The following PPP2R2B variants were observed in gnomAD, a reference collection of about 807,000 sequenced individuals.
PPP2R2B encodes serine/threonine-protein phosphatase 2A 55 kDa regulatory subunit B beta isoform.
PPP2R2B carries 5 observed loss-of-function variants against 46.0 expected under a neutral mutation model. The observed-to-expected ratio is 0.11, with a 90% CI of 0.06 to 0.23. PPP2R2B has a LOEUF of 0.23. PPP2R2B is among the 10% of genes least tolerant of loss of function. The pLI is 1.00. For missense variants in PPP2R2B, 367 were observed against 575.0 expected, an observed-to-expected ratio of 0.64 and a Z score of 3.70; for synonymous variants, 215 against 206.7, an observed-to-expected ratio of 1.04 and a Z score of -0.34.
chr5:147,050,835 T>C (rs977822267), intron 1 of PPP2R2B, among the ~76,000 whole-genome samples: 3 of 152,130 alleles, frequency 2.0e-5, no homozygotes, highest in African/African-American at 7.2e-5. Context: ...CCTCTGTGTG[T>C]GTGTGTGTAG....
chr5:146,879,412 A>G (rs1488551010), upstream of PPP2R2B, among the ~76,000 whole-genome samples: 1 of 152,196 alleles, frequency 6.6e-6, no homozygotes, highest in South Asian at 2.1e-4. Flanking sequence ...AGTCTGAAAA[A>G]GTCCACTCTC....
intron 5 of PPP2R2B, among the ~76,000 whole-genome samples, chr5:146,675,144 T>C (rs1581846169): frequency 6.6e-6 from 1 of 152,162 alleles, no homozygotes; most frequent in Non-Finnish European, 1.5e-5. Context: ...GTATTTTTAG[T>C]AGAGACGGGA....
intron 2 of PPP2R2B, among the ~76,000 whole-genome samples, chr5:146,799,977 T>C (rs77943633): frequency 6.6e-6 from 1 of 152,178 alleles, no homozygotes; most frequent in African/African-American, 2.4e-5. Flanking sequence ...AAACAGATTA[T>C]GGGAATTGCT....
At chr5:146,645,522 CA>C (rs1775524357) in intron 6 of PPP2R2B, among the ~76,000 whole-genome samples, 1 of 152,120 alleles carries the variant, frequency 6.6e-6, no homozygotes, top group African/African-American at 2.4e-5. Context: ...TACTAGACCC[CA>C]CAGTTCCCCT....
rs557565534 is a variant in PPP2R2B at position 146,749,325 on chromosome 5, T to G, written c.71-48183A>C. ...TCCGACATGTGGTTTTCAAATATTT[T>G]CTTCCGGCCTGTAGTTTGTCATTTA... On this transcript the variant is annotated intron_variant, in intron 2 of 9. Transcript: ENST00000394411. 1.8e-3 allele frequency among the ~76,000 whole-genome samples: 269 copies of G among 152,366 alleles called. 2 individuals carry two copies. The highest frequency in any genetic ancestry group is 1.9e-3 in the Non-Finnish European group (130 of 68,040).
At chr5:146,844,613 T>C (rs1412150087) in intron 2 of PPP2R2B, among the ~76,000 whole-genome samples, 2 of 152,170 alleles carry the variant, frequency 1.3e-5, no homozygotes, top group African/African-American at 4.8e-5. Context: ...TGCAATTTAG[T>C]TTTTTGAAAA....
intron 2 of PPP2R2B, among the ~76,000 whole-genome samples, chr5:146,702,310 A>G (rs1240997087): frequency 6.6e-6 from 1 of 152,214 alleles, no homozygotes. Flanking sequence ...TTTTCCATGT[A>G]TGAAAAGGCT....
At chr5:146,690,719 G>A (rs888417195) in intron 5 of PPP2R2B, among the ~76,000 whole-genome samples, 2 of 152,218 alleles carry the variant, frequency 1.3e-5, no homozygotes, top group African/African-American at 4.8e-5. Flanking sequence ...ATTTGGGTAA[G>A]TGGCAGAATT....
rs139418042 is a variant in PPP2R2B at position 146,731,412 on chromosome 5, T to A, written c.71-30270A>T. ...TATAGTGCTAATGGAAAATTAAAAT[T>A]ATTTTGCAAGAGACCTTAACTATAC... On this transcript the variant is annotated intron_variant, in intron 2 of 9. Coordinates refer to ENST00000394411, the MANE Select transcript of PPP2R2B (RefSeq NM_181675.4). Among the ~76,000 whole-genome samples, 938 of 152,336 alleles carry A rather than the reference T, an allele frequency of 6.2e-3. 16 individuals are homozygous for A. Among genetic ancestry groups the A allele is most frequent in the African/African-American group, 0.021 (879 of 41,576 alleles).
rs564933541 is a variant in PPP2R2B at position 146,638,903 on chromosome 5, T to C, written c.626-488A>G. ...CTTTCATGAAATCCCTAAGCCCTTC[T>C]TTATAATATGTTGATGATAATAATA... On this transcript the variant is annotated intron_variant, in intron 6 of 9. Transcript: ENST00000394411. Among the ~76,000 whole-genome samples, 254 of 152,336 alleles carry C rather than the reference T, an allele frequency of 1.7e-3. 3 individuals carry two copies. The highest frequency in any genetic ancestry group is 5.9e-3 in the African/African-American group (245 of 41,574).
intron 6 of PPP2R2B, among the ~76,000 whole-genome samples, chr5:146,647,243 T>C (rs147686578): frequency 0.08 from 965 of 12,060 alleles, 22 homozygotes; most frequent in Admixed American, 0.34. Context: ...GCACATTGCT[T>C]ACCATCCCCA....
chr5:146,658,673 C>A (rs1776497444), intron 5 of PPP2R2B, among the ~76,000 whole-genome samples: 1 of 152,156 alleles, frequency 6.6e-6, no homozygotes, highest in Non-Finnish European at 1.5e-5. Flanking sequence ...GTACCCACAG[C>A]CTAGGTTCTC....
At chr5:146,847,837 A>G (rs1428545315) in intron 2 of PPP2R2B, among the ~76,000 whole-genome samples, 3 of 152,226 alleles carry the variant, frequency 2.0e-5, no homozygotes, top group African/African-American at 4.8e-5. Context: ...ATGGGGAACT[A>G]AAGCCCAGAT....
intron 2 of PPP2R2B, among the ~76,000 whole-genome samples, chr5:147,073,783 G>T (rs1199455116): frequency 6.6e-6 from 1 of 152,180 alleles, no homozygotes; most frequent in Non-Finnish European, 1.5e-5. Context: ...GCTCCCGCCT[G>T]TAATAGCACT....
At chr5:146,591,609 T>C (rs1159664796) in intron 9 of PPP2R2B, among the ~76,000 whole-genome samples, 2 of 150,468 alleles carry the variant, frequency 1.3e-5, no homozygotes, top group Non-Finnish European at 2.9e-5. Context: ...CTGCTTCCCA[T>C]ACTTTGACGT....
At chr5:146,869,873 T>C (rs1029830768) in intron 2 of PPP2R2B, among the ~76,000 whole-genome samples, 1 of 152,232 alleles carries the variant, frequency 6.6e-6, no homozygotes, top group African/African-American at 2.4e-5. Context: ...ACCTGACTTC[T>C]ACAAAGCTAC....
chr5:146,694,768 T>G (rs1404717869), intron 4 of PPP2R2B, among the ~76,000 whole-genome samples: 1 of 152,000 alleles, frequency 6.6e-6, no homozygotes, highest in Non-Finnish European at 1.5e-5. Flanking sequence ...TTAATTCCAC[T>G]AGATAGAGAT....
chr5:146,815,909 C>T (rs1396490058), intron 2 of PPP2R2B, among the ~76,000 whole-genome samples: 1 of 152,194 alleles, frequency 6.6e-6, no homozygotes, highest in East Asian at 1.9e-4. Context: ...CCTAGTCGTG[C>T]CCTTTGAGGG....
intron 8 of PPP2R2B, among the ~76,000 whole-genome samples, chr5:146,597,521 C>T (rs911959093): frequency 6.6e-6 from 1 of 152,212 alleles, no homozygotes; most frequent in African/African-American, 2.4e-5. Flanking sequence ...CTTGCTCTCT[C>T]TTTCCATTGT....
Sources: gnomAD v4.1 joint callset for allele counts (sites outside exome capture counted in the v4.1 genomes callset) on GRCh38, gnomAD v4.1.1 for gene constraint, MANE v1.5 for transcripts, NCBI Gene and HGNC (gene_info 2026-07-23, HGNC 2026-07-21) for gene names.